The following OSBPL9 variants were observed in gnomAD, a reference collection of about 807,000 sequenced individuals.
OSBPL9 encodes the protein oxysterol-binding protein-related protein 9.
Under a neutral mutation model 106.6 loss-of-function variants are expected in OSBPL9, and 40 were observed. The observed-to-expected ratio is 0.38, with a 90% CI of 0.29 to 0.49. OSBPL9 has a LOEUF of 0.49. Ranked by LOEUF, OSBPL9 falls within the 20% of genes least tolerant of loss-of-function variation. The pLI, the probability that OSBPL9 is intolerant of heterozygous loss-of-function variation, is 0.97. For synonymous variants in OSBPL9, 269 were observed against 295.4 expected (o/e 0.91, Z 0.92); for missense variants, 609 against 887.2 (o/e 0.69, Z 3.98).
chr1:51,756,412 C>T (rs2295185), intron 9 of OSBPL9, 54 bp downstream of exon 9: 2 of 1,528,408 alleles, frequency 1.3e-6, no homozygotes, highest in Non-Finnish European at 9.0e-7. Context: ...GCATTATAAC[C>T]AGTCATATCA....
intron 3 of OSBPL9, among the ~76,000 whole-genome samples, chr1:51,699,898 A>G (rs1318576115): frequency 6.6e-6 from 1 of 152,186 alleles, no homozygotes; most frequent in African/African-American, 2.4e-5. Flanking sequence ...TTATTTCCAT[A>G]TGTATTTATC....
chr1:51,608,051 G>T lies in OSBPL9; in HGVS notation c.-352-6254G>T, dbSNP rs1237651690. On this transcript the variant is annotated intron_variant, in intron 2 of 25. Coordinates refer to the OSBPL9 transcript ENST00000371714. ...AGCACTTGGGCGGGCCGCATACACT[G>T]TATTTACTGAAGTTGTGCATATGCT... 1.3e-5 allele frequency among the ~76,000 whole-genome samples: 2 copies of T among 152,212 alleles called. 1 individual carries two copies. The highest frequency in any genetic ancestry group is 4.8e-5 in the African/African-American group (2 of 41,458).
intron 4 of OSBPL9, among the ~76,000 whole-genome samples, chr1:51,743,858 CTG>C (rs1451561213): frequency 1.3e-5 from 2 of 152,082 alleles, no homozygotes; most frequent in Non-Finnish European, 2.9e-5. Flanking sequence ...TGTCACCAAA[CTG>C]TATATTTTAA....
At chr1:51,521,492 A>G in the OSBPL9 span, among the ~76,000 whole-genome samples, 1 of 152,246 alleles carries the variant, frequency 6.6e-6, no homozygotes, top group Non-Finnish European at 1.5e-5. Flanking sequence ...CAGGCAAACC[A>G]TTTAACCTCT....
chr1:51,786,416 A>T, intron 21 of OSBPL9, 110 bp from the exon 22 acceptor site: 1 of 673,894 alleles, frequency 1.5e-6, no homozygotes, highest in Non-Finnish European at 2.6e-6. Context: ...GGAGCCAGTT[A>T]ACTGCATTTT....
At chr1:51,642,343 ATTGT>A (rs1240461386) in intron 1 of OSBPL9, among the ~76,000 whole-genome samples, 3 of 152,208 alleles carry the variant, frequency 2.0e-5, no homozygotes, top group Admixed American at 6.5e-5. Context: ...TAATTTCAGA[ATTGT>A]TTAATTACAG....
chr1:51,700,273 G>A (rs114400959), intron 3 of OSBPL9, among the ~76,000 whole-genome samples: 2,786 of 152,222 alleles, frequency 0.018, 46 homozygotes, highest in African/African-American at 0.044. Context: ...CTCATGCCCT[G>A]TGCTAGGTTG....
At chr1:51,550,347 AAC>A in the OSBPL9 span, among the ~76,000 whole-genome samples, 1 of 152,260 alleles carries the variant, frequency 6.6e-6, no homozygotes, top group Non-Finnish European at 1.5e-5. Flanking sequence ...TAGGGCACAA[AAC>A]AGCAGAAAAG....
chr1:51,761,835 T>C (rs1225109820), intron 10 of OSBPL9, 32 bp from the exon 11 acceptor site: 3 of 1,506,118 alleles, frequency 2.0e-6, no homozygotes, highest in Non-Finnish European at 2.8e-6. Context: ...TGGCTGTTTC[T>C]GTACCTTATT....
At chr1:51,588,538 A>C (rs571141927) in intron 1 of OSBPL9, among the ~76,000 whole-genome samples, 1 of 152,180 alleles carries the variant, frequency 6.6e-6, no homozygotes, top group East Asian at 1.9e-4. Context: ...TGTGATTTTA[A>C]CTACTCAGGG....
At chr1:51,717,926 A>T (rs1214217346) in intron 4 of OSBPL9, among the ~76,000 whole-genome samples, 1 of 152,216 alleles carries the variant, frequency 6.6e-6, no homozygotes, top group Admixed American at 6.5e-5. Flanking sequence ...TTATTGCAGC[A>T]CTATTCACAA....
intron 2 of OSBPL9, among the ~76,000 whole-genome samples, chr1:51,654,610 T>C (rs1367775737): frequency 6.6e-6 from 1 of 152,154 alleles, no homozygotes; most frequent in Non-Finnish European, 1.5e-5. Flanking sequence ...GCAATATTCA[T>C]AGCATTATTT....
chr1:51,535,056 A>G, the OSBPL9 span, among the ~76,000 whole-genome samples: 3 of 152,180 alleles, frequency 2.0e-5, no homozygotes, highest in African/African-American at 7.2e-5. Context: ...AAACATTTGG[A>G]AAAAGTGGTG....
At chr1:51,592,156 C>T (rs1340129844) in intron 1 of OSBPL9, among the ~76,000 whole-genome samples, 3 of 146,448 alleles carry the variant, frequency 2.0e-5, no homozygotes, top group East Asian at 2.1e-4. Flanking sequence ...GCTCTGTCGC[C>T]CAGGCTGGAG....
At chr1:51,592,822 G>A (rs1645283695) in intron 1 of OSBPL9, among the ~76,000 whole-genome samples, 1 of 152,098 alleles carries the variant, frequency 6.6e-6, no homozygotes, top group Non-Finnish European at 1.5e-5. Context: ...TCCCCCATTG[G>A]ACAAGTGGAG....
intron 1 of OSBPL9, among the ~76,000 whole-genome samples, chr1:51,623,833 C>T (rs1044173412): frequency 1.3e-5 from 2 of 152,134 alleles, no homozygotes; most frequent in African/African-American, 4.8e-5. Context: ...CAGCACCACT[C>T]CCATCAAACA....
chr1:51,733,879 C>T (rs1234278859), intron 4 of OSBPL9, among the ~76,000 whole-genome samples: 5 of 151,966 alleles, frequency 3.3e-5, no homozygotes, highest in South Asian at 2.1e-4. Context: ...AATAGTAGTA[C>T]GAGTACTAAT....
chr1:51,702,529 A>G (rs1261397710), intron 3 of OSBPL9, among the ~76,000 whole-genome samples: 1 of 152,156 alleles, frequency 6.6e-6, no homozygotes, highest in Non-Finnish European at 1.5e-5. Flanking sequence ...AGTTCATTGT[A>G]GATTCTGGAT....
At chr1:51,746,388 G>T (rs1174139853) in intron 5 of OSBPL9, among the ~76,000 whole-genome samples, 1 of 152,166 alleles carries the variant, frequency 6.6e-6, no homozygotes, top group Non-Finnish European at 1.5e-5. Flanking sequence ...CTGGGAAAAG[G>T]ACTGTTGATA....
Sources: allele counts gnomAD v4.1 joint callset (sites outside exome capture counted in the v4.1 genomes callset), GRCh38; gene constraint gnomAD v4.1.1; transcripts MANE v1.5; gene names NCBI Gene and HGNC (gene_info 2026-07-23, HGNC 2026-07-21).